CD2AP: variants seen among roughly 807,000 people sequenced by gnomAD.
CD2AP encodes CD2-associated protein.
CD2AP carries 46 observed loss-of-function variants against 85.1 expected under a neutral mutation model. The observed-to-expected ratio is 0.54, with a 90% CI of 0.43 to 0.69. The LOEUF (loss-of-function observed/expected upper bound fraction) is 0.69, where lower values mean the gene tolerates loss of function less well. Ranked by LOEUF, CD2AP falls within the 30% of genes least tolerant of loss-of-function variation. The probability of loss-of-function intolerance (pLI) is 0.00; values close to 1 mark genes in which losing one functional copy is unlikely to be tolerated. For missense variants in CD2AP, 769 were observed against 729.5 expected (o/e 1.05, Z -0.62); for synonymous variants, 255 against 252.9 (o/e 1.01, Z -0.08).
intron 3 of CD2AP, among the ~76,000 whole-genome samples, chr6:47,536,601 G>A (rs1696682746): frequency 6.6e-6 from 1 of 152,130 alleles, no homozygotes. Context: ...TAGTAATGAA[G>A]CCGTGAAAAC....
chr6:47,526,461 A>T (rs1766731046), intron 2 of CD2AP, among the ~76,000 whole-genome samples: 1 of 152,108 alleles, frequency 6.6e-6, no homozygotes, highest in Non-Finnish European at 1.5e-5. Context: ...AGACTATAAG[A>T]TTTTTTAAGT....
chr6:47,533,453 G>A (rs140659720), intron 2 of CD2AP, 149 bp from the exon 3 acceptor site: 111 of 726,990 alleles, frequency 1.5e-4, no homozygotes, highest in Non-Finnish European at 2.3e-4. Context: ...TTATTCTTCA[G>A]ATATGTTTGA....
At chr6:47,493,837 A>G (rs67227406) in intron 1 of CD2AP, among the ~76,000 whole-genome samples, 38,250 of 151,900 alleles carry the variant, frequency 0.25, 5,519 homozygotes, top group East Asian at 0.6. Context: ...TTGGCTATGT[A>G]TAGTCTACTG....
chr6:47,499,051 G>A (rs1765937547), intron 1 of CD2AP, among the ~76,000 whole-genome samples: 1 of 152,072 alleles, frequency 6.6e-6, no homozygotes, highest in Non-Finnish European at 1.5e-5. Context: ...GAACCCTTTT[G>A]ATATCACTTC....
At chr6:47,508,094 C>T (rs528937952) in intron 2 of CD2AP, among the ~76,000 whole-genome samples, 68 of 152,266 alleles carry the variant, frequency 4.5e-4, no homozygotes, top group Admixed American at 1.8e-3. Flanking sequence ...CAATGACTTC[C>T]ACTTAAATTA....
At chr6:47,618,139 C>A (rs1769644249) in intron 17 of CD2AP, among the ~76,000 whole-genome samples, 1 of 152,050 alleles carries the variant, frequency 6.6e-6, no homozygotes, top group Non-Finnish European at 1.5e-5. Flanking sequence ...GCCAACATGG[C>A]AAAACCTTGT....
rs1765347073 is a variant in CD2AP at position 47,478,047 on chromosome 6, G to A, written c.-198G>A. On this transcript the variant is annotated 5_prime_UTR_variant, in exon 1 of 18. Coordinates refer to ENST00000359314, the MANE Select transcript of CD2AP (RefSeq NM_012120.3). Reference sequence around the variant, plus strand: ...AGGAGCTGTCGCCGCCTTTGCCTCTGCCTCGAGGGCCGCGCTGAAGAGACT... The same window carrying A: ...AGGAGCTGTCGCCGCCTTTGCCTCTACCTCGAGGGCCGCGCTGAAGAGACT... The A allele has an allele frequency of 2.9e-6, 2 of 680,732 alleles. No individual in the cohort carries two copies. The highest frequency in any genetic ancestry group is 5.0e-6 in the Non-Finnish European group (2 of 399,870). The allele number at this position is 680,732 out of a possible 1,614,324, so 42.2% of individuals were successfully genotyped here.
At chr6:47,497,348 TC>T (rs1188886433) in intron 1 of CD2AP, among the ~76,000 whole-genome samples, 5,326 of 85,238 alleles carry the variant, frequency 0.062, 328 homozygotes, top group African/African-American at 0.2. Flanking sequence ...TTCCCTTCCC[TC>T]CCCTTCCCCT....
intron 5 of CD2AP, among the ~76,000 whole-genome samples, chr6:47,559,462 A>G (rs1010256604): frequency 2.6e-5 from 4 of 151,786 alleles, no homozygotes; most frequent in African/African-American, 9.7e-5. Context: ...GGGCCTCACT[A>G]TGTTGACCAG....
chr6:47,598,202 C>G (rs1769001254), intron 12 of CD2AP, among the ~76,000 whole-genome samples: 1 of 150,872 alleles, frequency 6.6e-6, no homozygotes, highest in African/African-American at 2.4e-5. Flanking sequence ...CAATGTGATA[C>G]CACCTCACTT....
At chr6:47,605,846 G>T (rs981839098) in intron 13 of CD2AP, among the ~76,000 whole-genome samples, 1 of 151,864 alleles carries the variant, frequency 6.6e-6, no homozygotes, top group Non-Finnish European at 1.5e-5. Context: ...AGTTTTTTAT[G>T]CTACTACAGT....
chr6:47,497,889 T>C (rs1290059556), intron 1 of CD2AP, among the ~76,000 whole-genome samples: 1 of 152,232 alleles, frequency 6.6e-6, no homozygotes, highest in African/African-American at 2.4e-5. Flanking sequence ...TCCTAGAACT[T>C]TTTGTCTCCC....
At chr6:47,481,654 G>A (rs1249085090) in intron 1 of CD2AP, among the ~76,000 whole-genome samples, 1 of 151,720 alleles carries the variant, frequency 6.6e-6, no homozygotes, top group African/African-American at 2.4e-5. Flanking sequence ...CCTCGTGGTG[G>A]TTTTAATAGA....
At chr6:47,600,886 A>G (rs1358256943) in intron 13 of CD2AP, among the ~76,000 whole-genome samples, 2 of 151,904 alleles carry the variant, frequency 1.3e-5, no homozygotes, top group African/African-American at 4.8e-5. Context: ...TATTGCAACT[A>G]TATTTTAAAT....
At chr6:47,505,212 T>C (rs1766108743) in intron 2 of CD2AP, among the ~76,000 whole-genome samples, 2 of 145,480 alleles carry the variant, frequency 1.4e-5, no homozygotes, top group South Asian at 2.4e-4. Flanking sequence ...TACTTGAGAT[T>C]AGGGATTGGT....
chr6:47,618,446 T>G (rs1364078675), intron 17 of CD2AP, among the ~76,000 whole-genome samples: 1 of 152,208 alleles, frequency 6.6e-6, no homozygotes, highest in East Asian at 1.9e-4. Context: ...ACTGTAAGGT[T>G]GTTTGGGTAG....
chr6:47,549,812 C>T (rs1767465279), intron 4 of CD2AP, among the ~76,000 whole-genome samples: 1 of 152,110 alleles, frequency 6.6e-6, no homozygotes, highest in African/African-American at 2.4e-5. Context: ...TCAAATTATA[C>T]TATAAGGCCA....
Position 47,587,560 on chromosome 6 carries a change from G to A in CD2AP, c.1108+5495G>A, listed in dbSNP as rs145829930. Among the ~76,000 whole-genome samples, 71 of 152,234 alleles carry A rather than the reference G, an allele frequency of 4.7e-4. No individual in the cohort carries two copies. In the East Asian group the frequency reaches 0.012, roughly 26 times the overall value. ...TCCTGGCAAGCTGTGTCCCAGAATG[G>A]TAATAATATTACCACTTTGAAGCAC... On this transcript the variant is annotated intron_variant, in intron 11 of 17. Transcript: ENST00000359314.
intron 3 of CD2AP, among the ~76,000 whole-genome samples, chr6:47,542,586 A>G (rs1767244033): frequency 6.6e-6 from 1 of 152,158 alleles, no homozygotes; most frequent in African/African-American, 2.4e-5. Flanking sequence ...CCATTCTGAC[A>G]TGTGATGACA....
Sources: gnomAD v4.1 joint callset for allele counts (sites outside exome capture counted in the v4.1 genomes callset) on GRCh38, gnomAD v4.1.1 for gene constraint, MANE v1.5 for transcripts, NCBI Gene and HGNC (gene_info 2026-07-23, HGNC 2026-07-21) for gene names.